Variants in SYTL3 observed in about 807,000 individuals in gnomAD.
The protein encoded by SYTL3 is synaptotagmin-like protein 3.
In SYTL3, 88 loss-of-function variants were observed where a neutral mutation model predicts 82.1. The ratio of observed to expected loss-of-function variants is 1.07; its 90% CI spans 0.90 to 1.28. The LOEUF (loss-of-function observed/expected upper bound fraction) is 1.28. Ranked by LOEUF, SYTL3 falls within the 50% of genes most tolerant of loss-of-function variation. The probability of loss-of-function intolerance (pLI) is 0.00; values close to 1 mark genes in which losing one functional copy is unlikely to be tolerated. For missense variants in SYTL3, 831 were observed against 757.6 expected (o/e 1.10, Z -1.14); for synonymous variants, 311 against 289.4 (o/e 1.07, Z -0.76).
chr6:158,677,178 T>C (rs1429287959), intron 5 of SYTL3, among the ~76,000 whole-genome samples: 1 of 152,110 alleles, frequency 6.6e-6, no homozygotes, highest in Non-Finnish European at 1.5e-5. Flanking sequence ...AATGATAGAC[T>C]GGATTAAGAA....
intron 6 of SYTL3, among the ~76,000 whole-genome samples, chr6:158,704,274 G>A (rs1022791411): frequency 6.6e-6 from 1 of 152,270 alleles, no homozygotes; most frequent in Non-Finnish European, 1.5e-5. Context: ...GCGGAATTGA[G>A]CAGCTGTGAC....
In SYTL3 at chr6:158,661,116, G is replaced by A. The variant is rs1287292635; in HGVS notation, c.-636-153G>A. ...CAGATGGCTCTGGACCCAGTAGTACGATTAGTAGAGTGGAAATAAGAAGAC... is the reference window on the plus strand; with the variant it reads ...CAGATGGCTCTGGACCCAGTAGTACAATTAGTAGAGTGGAAATAAGAAGAC... On this transcript the variant is annotated intron_variant, in intron 2 of 17. Coordinates refer to ENST00000611299, the MANE Select transcript of SYTL3 (RefSeq NM_001242394.2). Among the ~76,000 whole-genome samples, 6 of 152,312 alleles carry A rather than the reference G, an allele frequency of 3.9e-5. No homozygotes were observed. In the East Asian group the frequency reaches 7.7e-4, roughly 20 times the overall value.
chr6:158,696,476 T>A (rs1456827032), intron 6 of SYTL3, among the ~76,000 whole-genome samples: 1 of 152,034 alleles, frequency 6.6e-6, no homozygotes, highest in Non-Finnish European at 1.5e-5. Context: ...GTGCTGGGAT[T>A]ACAGGTGTGA....
chr6:158,752,984 A>G (rs1166822393), intron 13 of SYTL3, among the ~76,000 whole-genome samples: 1 of 152,118 alleles, frequency 6.6e-6, no homozygotes, highest in Non-Finnish European at 1.5e-5. Flanking sequence ...GTCCTTAGAA[A>G]TACAGCTCAA....
intron 4 of SYTL3, 122 bp downstream of exon 4, chr6:158,663,500 C>A (rs1789616572): frequency 1.3e-6 from 2 of 1,486,952 alleles, no homozygotes; most frequent in Non-Finnish European, 8.9e-7. Flanking sequence ...GGCTTCGTGC[C>A]TGAGAAGGGT....
At chr6:158,753,077 C>CTTT (rs34396644) in intron 13 of SYTL3, among the ~76,000 whole-genome samples, 6 of 99,108 alleles carry the variant, frequency 6.1e-5, no homozygotes, top group African/African-American at 1.3e-4. Context: ...TTCTTCTTTT[C>CTTT]TTTTTTTTTT....
chr6:158,655,237 G>A (rs1373255536), intron 2 of SYTL3, among the ~76,000 whole-genome samples: 1 of 152,162 alleles, frequency 6.6e-6, no homozygotes, highest in African/African-American at 2.4e-5. Flanking sequence ...GATTTCTGAA[G>A]ACTGAGGTTT....
Position 158,763,358 on chromosome 6 carries a change from G to A in SYTL3, c.1572G>A (p.Arg524=), listed in dbSNP as rs945902027. The A allele has an allele frequency of 2.7e-5, 43 of 1,614,114 alleles. No individual in the cohort carries two copies. The highest frequency in any genetic ancestry group is 3.5e-5 in the Non-Finnish European group (41 of 1,180,048). ...TGAGACTGAAGTCGCCAGTCCTGAG[G>A]AAGCAGGCTTGCCCCCAGTGGAAAC... The part of the protein sequence containing the change: ...QKLRLKSPVL[R]KQACPQWKHS... Residue 524 remains arginine, a synonymous_variant, in exon 17 of 18, where the codon AGG becomes AGA. Transcript: ENST00000611299.
At chr6:158,692,550 G>A (rs1780021557) in intron 6 of SYTL3, among the ~76,000 whole-genome samples, 1 of 151,976 alleles carries the variant, frequency 6.6e-6, no homozygotes, top group African/African-American at 2.4e-5. Flanking sequence ...TTCTGCATGG[G>A]CAGTTTAGAC....
intron 12 of SYTL3, among the ~76,000 whole-genome samples, chr6:158,751,428 C>A (rs77765765): frequency 2.0e-5 from 3 of 152,174 alleles, no homozygotes; most frequent in Admixed American, 2.0e-4. Flanking sequence ...ATGCTGCGTG[C>A]GACCTCTAGA....
intron 9 of SYTL3, 126 bp downstream of exon 9, chr6:158,714,004 T>C (rs1446230344): frequency 9.9e-6 from 7 of 705,214 alleles, no homozygotes; most frequent in Non-Finnish European, 1.8e-5. Context: ...CTCTGGACCC[T>C]GGGGAAAGCC....
chr6:158,705,370 C>T (rs1247662617), intron 6 of SYTL3, among the ~76,000 whole-genome samples: 1 of 128,262 alleles, frequency 7.8e-6, no homozygotes, highest in East Asian at 2.3e-4. Flanking sequence ...CAGGAGGGAC[C>T]CGGGGCAGGG....
chr6:158,673,440 A>AC (rs1471148052), intron 5 of SYTL3, among the ~76,000 whole-genome samples: 5 of 134,506 alleles, frequency 3.7e-5, no homozygotes, highest in African/African-American at 5.5e-5. Context: ...TGGGAATAGC[A>AC]TTTTTTTTTT....
chr6:158,702,156 AT>A (rs533697258), intron 6 of SYTL3, among the ~76,000 whole-genome samples: 242 of 151,424 alleles, frequency 1.6e-3, no homozygotes, highest in Non-Finnish European at 2.0e-3. Flanking sequence ...CTCATTTAAA[AT>A]TTTTTTTGTA....
At chr6:158,700,831 T>C (rs988535102) in intron 6 of SYTL3, among the ~76,000 whole-genome samples, 6 of 152,006 alleles carry the variant, frequency 3.9e-5, no homozygotes, top group Non-Finnish European at 5.9e-5. Context: ...TTAGCCAGGA[T>C]GGTCTCGATC....
At chr6:158,726,332 C>A in intron 11 of SYTL3, 1 of 378,066 alleles carries the variant, frequency 2.6e-6, no homozygotes. Flanking sequence ...TTAAGAACTT[C>A]AAGATGTCCC....
Position 158,713,796 on chromosome 6 carries a change from T to C in SYTL3, c.517-4T>C. On this transcript the variant is annotated splice_region_variant and splice_polypyrimidine_tract_variant and intron_variant, in intron 8 of 17. Transcript: ENST00000611299. ...CTCATTCTCTCCTTCTGTCTCTGTTTTAGTTACAGGAATTTGGTCAGTTTA... is the reference window on the plus strand; with the variant it reads ...CTCATTCTCTCCTTCTGTCTCTGTTCTAGTTACAGGAATTTGGTCAGTTTA... 1 of 1,542,164 alleles carries C rather than the reference T, an allele frequency of 6.5e-7. No individual in the cohort carries two copies. Among genetic ancestry groups the C allele is most frequent in the Non-Finnish European group, 8.8e-7 (1 of 1,138,872 alleles).
intron 6 of SYTL3, among the ~76,000 whole-genome samples, chr6:158,699,214 G>A (rs541208775): frequency 2.6e-5 from 4 of 152,168 alleles, no homozygotes; most frequent in African/African-American, 9.7e-5. Context: ...AGTCACTGTG[G>A]GACATTCCAG....
At chr6:158,651,904 A>G (rs1446659607) in intron 2 of SYTL3, 62 bp downstream of exon 2, 1 of 151,096 alleles carries the variant, frequency 6.6e-6, no homozygotes, top group Non-Finnish European at 1.5e-5. Flanking sequence ...TTATTTATTT[A>G]TTTATTTATT....
Sources: allele counts gnomAD v4.1 joint callset (sites outside exome capture counted in the v4.1 genomes callset), GRCh38; gene constraint gnomAD v4.1.1; transcripts MANE v1.5; gene names NCBI Gene and HGNC (gene_info 2026-07-23, HGNC 2026-07-21).